SLC5A4: variants seen among roughly 807,000 people sequenced by gnomAD.
The protein encoded by SLC5A4 is probable glucose sensor protein SLC5A4.
SLC5A4 carries 55 observed loss-of-function variants against 70.3 expected under a neutral mutation model. The ratio of observed to expected loss-of-function variants is 0.78; its 90% CI spans 0.63 to 0.98. The LOEUF is 0.98. Among genes scored for constraint, SLC5A4 ranks in the 50% least tolerant of loss-of-function variants. SLC5A4 has a pLI of 0.00. For synonymous variants in SLC5A4, 268 were observed against 305.7 expected (o/e 0.88, Z 1.29); for missense variants, 735 against 839.2 (o/e 0.88, Z 1.53).
At chr22:32,317,094 G>A in the SLC5A4 span, among the ~76,000 whole-genome samples, 3 of 151,834 alleles carry the variant, frequency 2.0e-5, no homozygotes, top group African/African-American at 7.3e-5. Flanking sequence ...CAATATACTA[G>A]AATTTGAAAA....
the SLC5A4 span, among the ~76,000 whole-genome samples, chr22:32,348,857 C>T: frequency 4.6e-5 from 7 of 152,302 alleles, no homozygotes; most frequent in South Asian, 4.1e-4. Context: ...TTGGTCAACA[C>T]GCTCAGACAC....
At chr22:32,231,886 A>T (rs1184370490) in intron 9 of SLC5A4, among the ~76,000 whole-genome samples, 1 of 151,092 alleles carries the variant, frequency 6.6e-6, no homozygotes, top group East Asian at 1.9e-4. Context: ...TTAGATACCT[A>T]CACTTTTTTT....
chr22:32,272,743 G>T, the SLC5A4 span: 2 of 512,604 alleles, frequency 3.9e-6, no homozygotes, highest in South Asian at 1.8e-5. Flanking sequence ...AGGACCCTGT[G>T]CCAGGGAGCC....
At chr22:32,255,059 GCAACACA>G in intron 1 of SLC5A4, 129 bp downstream of exon 1, 2 of 841,434 alleles carry the variant, frequency 2.4e-6, no homozygotes, top group South Asian at 3.2e-5. Context: ...CGTTATTTAT[GCAACACA>G]CAAGAAAATG....
At chr22:32,231,139 CAA>C (rs1214243549) in intron 9 of SLC5A4, 64 bp from the exon 10 acceptor site, 1 of 954,118 alleles carries the variant, frequency 1.0e-6, no homozygotes, top group African/African-American at 1.6e-5. Flanking sequence ...AACCATTAAA[CAA>C]AGAGAAAAGT....
At chr22:32,279,417 A>G in the SLC5A4 span, among the ~76,000 whole-genome samples, 1 of 152,250 alleles carries the variant, frequency 6.6e-6, no homozygotes, top group African/African-American at 2.4e-5. Context: ...AGAGCTGGAG[A>G]ACTCAGTAGT....
the SLC5A4 span, among the ~76,000 whole-genome samples, chr22:32,308,697 C>A: frequency 6.7e-6 from 1 of 148,182 alleles, no homozygotes; most frequent in Admixed American, 6.8e-5. Context: ...ACACTGTCAG[C>A]TGCCTACTTG....
chr22:32,333,300 G>A, the SLC5A4 span, among the ~76,000 whole-genome samples: 3 of 152,024 alleles, frequency 2.0e-5, no homozygotes, highest in South Asian at 2.1e-4. Flanking sequence ...AGGCAGAGGG[G>A]TCTTTTAGAG....
the SLC5A4 span, among the ~76,000 whole-genome samples, chr22:32,314,175 G>A: frequency 9.2e-5 from 14 of 152,286 alleles, no homozygotes; most frequent in South Asian, 4.1e-4. Context: ...GAGAGATTCC[G>A]TGGGGCCATC....
the SLC5A4 span, among the ~76,000 whole-genome samples, chr22:32,334,516 C>T: frequency 6.6e-6 from 1 of 152,252 alleles, no homozygotes. Context: ...GCCTCCCTGC[C>T]TCCATTCCTG....
At chr22:32,253,252 AG>A (rs1474206657) in intron 2 of SLC5A4, among the ~76,000 whole-genome samples, 4 of 152,302 alleles carry the variant, frequency 2.6e-5, no homozygotes, top group African/African-American at 9.6e-5. Context: ...CCAGGTGCAG[AG>A]GGGAAGATAC....
chr22:32,317,685 T>C, the SLC5A4 span, among the ~76,000 whole-genome samples: 1 of 152,156 alleles, frequency 6.6e-6, no homozygotes, highest in Admixed American at 6.5e-5. Flanking sequence ...AGGCTGATCT[T>C]GATCTCCTGG....
chr22:32,222,716 C>G lies in SLC5A4; in HGVS notation c.1665+1551G>C, dbSNP rs1440277731. 2.6e-5 allele frequency among the ~76,000 whole-genome samples: 4 copies of G among 152,232 alleles called. No homozygotes were observed. In the East Asian group the frequency reaches 7.7e-4, roughly 29 times the overall value. On this transcript the variant is annotated intron_variant, in intron 13 of 14. Transcript: ENST00000266086. Reference sequence around the variant, plus strand: ...AAACATTTTGAGCTGTGCTGTATTTCAGGTTTCCCATCCACACATAATCTA... The same window carrying G: ...AAACATTTTGAGCTGTGCTGTATTTGAGGTTTCCCATCCACACATAATCTA...
At chr22:32,341,015 G>A in the SLC5A4 span, among the ~76,000 whole-genome samples, 1 of 152,136 alleles carries the variant, frequency 6.6e-6, no homozygotes, top group Non-Finnish European at 1.5e-5. Context: ...TCAAGGTATT[G>A]CTGATGGAAC....
the SLC5A4 span, among the ~76,000 whole-genome samples, chr22:32,323,998 C>T: frequency 6.6e-6 from 1 of 152,298 alleles, no homozygotes. Context: ...TCTTTGCATT[C>T]CCCAGAGCGG....
intron 11 of SLC5A4, among the ~76,000 whole-genome samples, chr22:32,228,879 G>A (rs920925274): frequency 3.4e-4 from 52 of 152,128 alleles, no homozygotes; most frequent in Non-Finnish European, 5.4e-4. Flanking sequence ...CAGAGTAGGT[G>A]GAAATTTTAC....
the SLC5A4 span, chr22:32,272,901 C>T: frequency 1.9e-6 from 1 of 519,572 alleles, no homozygotes; most frequent in South Asian, 1.5e-5. Context: ...TGCCACACCA[C>T]ACAGGCCTCA....
chr22:32,309,005 T>C, the SLC5A4 span, among the ~76,000 whole-genome samples: 1 of 152,098 alleles, frequency 6.6e-6, no homozygotes, highest in Non-Finnish European at 1.5e-5. Context: ...GTGGTATGAT[T>C]TCAGCTCACT....
intron 13 of SLC5A4, among the ~76,000 whole-genome samples, chr22:32,221,836 C>T (rs999936914): frequency 5.9e-5 from 9 of 152,114 alleles, no homozygotes; most frequent in Admixed American, 3.9e-4. Context: ...CTGCAACCTC[C>T]GCCTCCTGGG....
Sources: gnomAD v4.1 joint callset for allele counts (sites outside exome capture counted in the v4.1 genomes callset) on GRCh38, gnomAD v4.1.1 for gene constraint, MANE v1.5 for transcripts, NCBI Gene and HGNC (gene_info 2026-07-23, HGNC 2026-07-21) for gene names.